Variants in USP10 observed in about 807,000 individuals in gnomAD.
The protein encoded by USP10 is ubiquitin carboxyl-terminal hydrolase 10.
Under a neutral mutation model 84.5 loss-of-function variants are expected in USP10, and 22 were observed. That is an observed-to-expected ratio of 0.26 (90% CI 0.19 to 0.37). The LOEUF (loss-of-function observed/expected upper bound fraction) is 0.37. USP10 is among the 10% of genes least tolerant of loss of function. The probability of loss-of-function intolerance (pLI) is 1.00; values close to 1 mark genes in which losing one functional copy is unlikely to be tolerated. For synonymous variants in USP10, 454 were observed against 387.6 expected, an observed-to-expected ratio of 1.17 and a Z score of -2.01; for missense variants, 1,019 against 998.9, an observed-to-expected ratio of 1.02 and a Z score of -0.27.
chr16:84,706,478 T>A (rs887741286), intron 1 of USP10, among the ~76,000 whole-genome samples: 2 of 148,336 alleles, frequency 1.3e-5, no homozygotes, highest in African/African-American at 2.4e-5. Context: ...ATATATATAT[T>A]TATATGTATT....
intron 1 of USP10, among the ~76,000 whole-genome samples, chr16:84,726,311 G>A (rs1358728731): frequency 1.3e-5 from 2 of 152,254 alleles, no homozygotes; most frequent in African/African-American, 4.8e-5. Flanking sequence ...AGCAGGTTGT[G>A]CAAGTGAACA....
At chr16:84,763,573 T>C (rs1913461421) in intron 9 of USP10, among the ~76,000 whole-genome samples, 1 of 152,270 alleles carries the variant, frequency 6.6e-6, no homozygotes, top group African/African-American at 2.4e-5. Flanking sequence ...GAAAAACAAC[T>C]GTAATGACAC....
intron 4 of USP10, among the ~76,000 whole-genome samples, chr16:84,757,176 T>A (rs2150844080): frequency 6.6e-6 from 1 of 152,294 alleles, no homozygotes. Flanking sequence ...GGCTTGGGGT[T>A]CAGTTCGTAA....
intron 4 of USP10, among the ~76,000 whole-genome samples, chr16:84,747,627 G>A (rs1301844996): frequency 1.6e-5 from 2 of 127,996 alleles, no homozygotes; most frequent in African/African-American, 5.9e-5. Flanking sequence ...CAGGAGGCAC[G>A]ATCTTGGCTC....
At chr16:84,740,632 G>T (rs186015066) in intron 3 of USP10, among the ~76,000 whole-genome samples, 1 of 152,328 alleles carries the variant, frequency 6.6e-6, no homozygotes, top group African/African-American at 2.4e-5. Context: ...TAACAGTTCT[G>T]AGTGCAACAG....
In USP10 at chr16:84,772,617, A is replaced by G; in HGVS notation, c.2075A>G (p.Glu692Gly). ...LVLHLKRFVY[E>G]KTGGCQKLIK... Reference sequence around the variant, plus strand: ...CTGCACCTGAAACGATTCGTTTATGAGAAGACTGGTGGGTGCCAGAAGCTT... The same window carrying G: ...CTGCACCTGAAACGATTCGTTTATGGGAAGACTGGTGGGTGCCAGAAGCTT... Residue 692 changes from glutamate to glycine, a missense_variant, in exon 12 of 14, where the codon GAG (glutamate) becomes GGG (glycine). Glu to Gly is a moderately conservative substitution (Grantham distance 98). This residue lies in a region of USP10 where 232 missense variants were observed against 290.1 expected (regional missense o/e 0.80). Transcript: ENST00000219473. 1 of 1,614,016 alleles carries G rather than the reference A, an allele frequency of 6.2e-7. No individual in the cohort carries two copies. The highest frequency in any genetic ancestry group is 1.3e-5 in the African/African-American group (1 of 75,032).
At chr16:84,775,706 C>G (rs1297160413) in intron 13 of USP10, among the ~76,000 whole-genome samples, 1 of 152,228 alleles carries the variant, frequency 6.6e-6, no homozygotes, top group Non-Finnish European at 1.5e-5. Context: ...CTGCCAGGCC[C>G]TCAGTCAGTC....
In USP10 at chr16:84,769,767, T is replaced by G. The variant is rs113369133; in HGVS notation, c.1998+1409T>G. ...ATGGGCTGCCTAGGGAAGACCCTTT[T>G]GTGATGTGTCTGTTTTTCTCTTTTG... is the stretch of plus-strand genomic sequence containing the variant. On this transcript the variant is annotated intron_variant, in intron 11 of 13. Coordinates refer to ENST00000219473, the MANE Select transcript of USP10 (RefSeq NM_005153.3). Among the ~76,000 whole-genome samples the G allele has an allele frequency of 9.2e-5, 14 of 152,210 alleles. No individual in the cohort carries two copies. The East Asian group carries it at 2.7e-3, about 29-fold the overall frequency.
At chr16:84,716,699 A>C (rs1271667788) in intron 1 of USP10, among the ~76,000 whole-genome samples, 1 of 152,164 alleles carries the variant, frequency 6.6e-6, no homozygotes, top group Non-Finnish European at 1.5e-5. Context: ...ATAAATGCAG[A>C]GTTACTGGGA....
chr16:84,772,706 G>C (rs1914584121), intron 12 of USP10, 21 bp downstream of exon 12: 1 of 1,612,746 alleles, frequency 6.2e-7, no homozygotes, highest in South Asian at 1.1e-5. Context: ...CATAAGGTCG[G>C]GAGTGTTCGT....
At chr16:84,728,079 A>G (rs918085331) in intron 1 of USP10, among the ~76,000 whole-genome samples, 1 of 152,158 alleles carries the variant, frequency 6.6e-6, no homozygotes, top group African/African-American at 2.4e-5. Flanking sequence ...CCCTCTTTTG[A>G]TAACATTCCT....
intron 4 of USP10, among the ~76,000 whole-genome samples, chr16:84,753,493 G>A (rs1327489151): frequency 1.3e-5 from 2 of 152,188 alleles, no homozygotes; most frequent in Non-Finnish European, 2.9e-5. Flanking sequence ...GTCTGCTTAT[G>A]TATTTACATG....
At chr16:84,764,030 T>G in intron 9 of USP10, 56 bp from the exon 10 acceptor site, 1 of 1,525,798 alleles carries the variant, frequency 6.6e-7, no homozygotes, top group South Asian at 1.3e-5. Context: ...TGTGCCTTTT[T>G]TTTTTTTGCT....
At chr16:84,774,623 A>G (rs1914797583) in intron 12 of USP10, among the ~76,000 whole-genome samples, 1 of 151,830 alleles carries the variant, frequency 6.6e-6, no homozygotes, top group Non-Finnish European at 1.5e-5. Flanking sequence ...GCCGCGTGCC[A>G]CCACGCCCGG....
At position 84,768,249 on chromosome 16, in the gene USP10, C is replaced by A; in HGVS notation, c.1889C>A (p.Thr630Lys). Residue 630 changes from threonine to lysine, a missense_variant, in exon 11 of 14, where the codon ACG becomes AAG. Coordinates refer to ENST00000219473, the MANE Select transcript of USP10 (RefSeq NM_005153.3). ...KESATLQPFFTLQLDIQSDKI... is the reference protein window; with the variant it reads ...KESATLQPFFKLQLDIQSDKI... ...TCTGCCACTTTGCAGCCATTTTTCA[C>A]GTTGCAGTTGGATATCCAGTCAGAC... 2 of 1,604,120 alleles carry A rather than the reference C, an allele frequency of 1.2e-6. No homozygotes were observed. The highest frequency in any genetic ancestry group is 1.7e-6 in the Non-Finnish European group (2 of 1,174,734).
At position 84,725,221 on chromosome 16, in the gene USP10, C is replaced by G. The variant is rs112284636; in HGVS notation, c.22-8214C>G. Among the ~76,000 whole-genome samples, 1,083 of 152,268 alleles carry G rather than the reference C, an allele frequency of 7.1e-3. 7 individuals carry two copies. Among genetic ancestry groups the G allele is most frequent in the African/African-American group, 0.025 (1,023 of 41,536 alleles). On this transcript the variant is annotated intron_variant, in intron 1 of 13. Transcript: ENST00000219473. The stretch of plus-strand genomic sequence containing the variant: ...TCCCCCATTCTCCTCTCCTCCCAGC[C>G]CTTGGCAACCATGATCTTTCTGTGT...
chr16:84,734,886 A>T (rs771511122), intron 2 of USP10, among the ~76,000 whole-genome samples: 1 of 152,144 alleles, frequency 6.6e-6, no homozygotes, highest in South Asian at 2.1e-4. Flanking sequence ...CTCACCATTC[A>T]TTGGGAACTC....
intron 3 of USP10, among the ~76,000 whole-genome samples, chr16:84,740,638 A>G (rs1309478663): frequency 6.6e-6 from 1 of 152,258 alleles, no homozygotes; most frequent in Non-Finnish European, 1.5e-5. Flanking sequence ...TTCTGAGTGC[A>G]ACAGGTATGT....
chr16:84,741,021 T>C (rs996019249), intron 3 of USP10, among the ~76,000 whole-genome samples: 10 of 152,370 alleles, frequency 6.6e-5, no homozygotes, highest in African/African-American at 2.4e-4. Context: ...CTTGTCGAGA[T>C]CATTTTTCAA....
Sources: allele counts gnomAD v4.1 joint callset (sites outside exome capture counted in the v4.1 genomes callset), GRCh38; gene constraint gnomAD v4.1.1; regional missense constraint gnomAD v4.1.1; transcripts MANE v1.5; gene names NCBI Gene and HGNC (gene_info 2026-07-23, HGNC 2026-07-21).